CCNB3: variants seen among roughly 807,000 people sequenced by gnomAD.
CCNB3 encodes the protein G2/mitotic-specific cyclin-B3.
A neutral mutation model predicts 68.0 loss-of-function variants in CCNB3; 12 were observed. That is an observed-to-expected ratio of 0.18 (90% confidence interval 0.11 to 0.29). CCNB3 has a LOEUF of 0.29. Among genes scored for constraint, CCNB3 ranks in the 10% least tolerant of loss-of-function variants. The pLI is 1.00. For synonymous variants in CCNB3, 354 were observed against 388.9 expected, an observed-to-expected ratio of 0.91 and a Z score of 1.06; for missense variants, 904 against 993.1, an observed-to-expected ratio of 0.91 and a Z score of 1.21.
intron 5 of CCNB3, among the ~76,000 whole-genome samples, chrX:50,297,304 G>A (rs1396608845): frequency 9.0e-6 from 1 of 111,625 alleles, no homozygotes; most frequent in Non-Finnish European, 1.9e-5. Flanking sequence ...ATTAATTTTT[G>A]TATAAGGTGA....
intron 1 of CCNB3, among the ~76,000 whole-genome samples, chrX:50,283,997 T>C (rs1936190663): frequency 9.0e-6 from 1 of 111,051 alleles, no homozygotes; most frequent in Admixed American, 9.7e-5. Context: ...GTTGTATTTT[T>C]CCAGGTAGTT....
chrX:50,351,835 T>C lies in CCNB3; in HGVS notation c.*132T>C, dbSNP rs1602257955. The C allele has an allele frequency of 6.9e-6, 3 of 434,344 alleles. No homozygotes were observed. Among genetic ancestry groups the C allele is most frequent in the East Asian group, 4.0e-5 (1 of 24,744 alleles). The allele number at this position is 434,344 out of a possible 1,213,427, so 35.8% of individuals were successfully genotyped here. ...AAACTGATAATGTTATAAATATTTA[T>C]GTTGCTTGTTTTTATGAAAGAAAAA... On this transcript the variant is annotated 3_prime_UTR_variant, in exon 13 of 13. Coordinates refer to ENST00000376042, the MANE Select transcript of CCNB3 (RefSeq NM_033031.3).
At chrX:50,284,999 G>C (rs935884129) in intron 2 of CCNB3, 128 bp from the exon 3 acceptor site, 7 of 438,059 alleles carry the variant, frequency 1.6e-5, no homozygotes, top group Non-Finnish European at 2.8e-5. Flanking sequence ...TTTGAATCCA[G>C]ATCTTCCCAA....
At chrX:50,304,223 G>A (rs1052393188) in intron 5 of CCNB3, among the ~76,000 whole-genome samples, 9 of 111,423 alleles carry the variant, frequency 8.1e-5, no homozygotes, top group Non-Finnish European at 1.3e-4. Flanking sequence ...ATATTGTCTT[G>A]ATTATTGCAG....
intron 9 of CCNB3, among the ~76,000 whole-genome samples, chrX:50,343,221 A>ATG: frequency 9.1e-6 from 1 of 109,983 alleles, no homozygotes; most frequent in South Asian, 4.0e-4. Context: ...GCCTAGGCTA[A>ATG]TGTGTGTGTT....
At chrX:50,314,040 T>A in intron 8 of CCNB3, 92 bp downstream of exon 8, 1 of 609,508 alleles carries the variant, frequency 1.6e-6, no homozygotes, top group South Asian at 3.0e-5. Flanking sequence ...GTACTGGGTC[T>A]ATAGAGTTGA....
At chrX:50,315,202 C>T (rs1921657691) in intron 8 of CCNB3, among the ~76,000 whole-genome samples, 1 of 111,030 alleles carries the variant, frequency 9.0e-6, no homozygotes, top group Admixed American at 9.6e-5. Flanking sequence ...CTTATCCAAT[C>T]AGAATTGTGG....
intron 5 of CCNB3, among the ~76,000 whole-genome samples, chrX:50,300,159 A>G (rs1936593475): frequency 9.0e-6 from 1 of 111,417 alleles, no homozygotes; most frequent in Non-Finnish European, 1.9e-5. Context: ...GTTATGTGTG[A>G]ATTTGATCCT....
At chrX:50,282,515 T>C (rs1936157413) in intron 1 of CCNB3, among the ~76,000 whole-genome samples, 1 of 111,489 alleles carries the variant, frequency 9.0e-6, no homozygotes, top group Non-Finnish European at 1.9e-5. Context: ...GTAGGGGACA[T>C]GGAAAGTCTG....
rs1294485604 is a variant in CCNB3 at position 50,314,001 on chromosome X, G to T, written c.3516+53G>T. On this transcript the variant is annotated intron_variant, in intron 8 of 12. Coordinates refer to ENST00000376042, the MANE Select transcript of CCNB3 (RefSeq NM_033031.3). The stretch of plus-strand genomic sequence containing the variant: ...AGCTGCTGTTCTCTTTCTCATTCAG[G>T]GCTGCCAGGCCAAAAACATGGTAAA... 3.3e-6 allele frequency: 3 copies of T among 918,826 alleles called. No individual in the cohort carries two copies. In the African/African-American group the frequency reaches 5.8e-5, roughly 18 times the overall value. The allele number at this position is 918,826 out of a possible 1,213,427, so 75.7% of individuals were successfully genotyped here. A position where few individuals can be genotyped will look rare whatever the true frequency, so the allele number is the denominator to read the frequency against.
intron 5 of CCNB3, among the ~76,000 whole-genome samples, chrX:50,304,343 G>T (rs1446003876): frequency 1.8e-5 from 2 of 111,184 alleles, no homozygotes; most frequent in Admixed American, 1.9e-4. Flanking sequence ...ATAAATTTTA[G>T]AATCAGCTTG....
chrX:50,329,672 T>A (rs1180050171), intron 8 of CCNB3, among the ~76,000 whole-genome samples: 1 of 112,652 alleles, frequency 8.9e-6, no homozygotes, highest in African/African-American at 3.2e-5. Context: ...TTGTCCTGGC[T>A]ATTAGCACTT....
At chrX:50,224,069 T>A (rs1380518008) in intron 1 of CCNB3, among the ~76,000 whole-genome samples, 4 of 111,952 alleles carry the variant, frequency 3.6e-5, no homozygotes, top group African/African-American at 9.7e-5. Context: ...AGGTTTTTTT[T>A]AACCTTGCTT....
At chrX:50,295,313 A>T (rs1936433583) in intron 5 of CCNB3, among the ~76,000 whole-genome samples, 1 of 111,403 alleles carries the variant, frequency 9.0e-6, no homozygotes, top group Admixed American at 9.6e-5. Flanking sequence ...GAGACAACTT[A>T]ACTTTCCAGG....
chrX:50,325,561 A>G (rs907728951), intron 8 of CCNB3, among the ~76,000 whole-genome samples: 1 of 112,250 alleles, frequency 8.9e-6, no homozygotes, highest in African/African-American at 3.2e-5. Context: ...CTGAACCCTG[A>G]TTGGCCAAGG....
intron 5 of CCNB3, among the ~76,000 whole-genome samples, chrX:50,304,928 A>G (rs1936729960): frequency 1.8e-5 from 2 of 112,359 alleles, no homozygotes; most frequent in Admixed American, 1.9e-4. Context: ...TGGCCATCAG[A>G]GAAATGCAAA....
At chrX:50,314,082 A>C in intron 8 of CCNB3, 134 bp downstream of exon 8, 54 of 441,394 alleles carry the variant, frequency 1.2e-4, no homozygotes, top group East Asian at 1.9e-4. Context: ...CAAGGAGCTC[A>C]TGATTTAGGA....
chrX:50,351,329 C>G lies in CCNB3; in HGVS notation c.4049C>G (p.Ser1350Cys), dbSNP rs1557221124. Residue 1350 changes from serine (S) to cysteine (C), a missense_variant, in exon 12 of 13, where the codon TCT (serine) becomes TGT (cysteine). Transcript: ENST00000376042. ...CTGAACAAACTGCTGACTTTCAGTTCTTACGATAGTCTCAAGGCTGTGTAT... is the reference window on the plus strand; with the variant it reads ...CTGAACAAACTGCTGACTTTCAGTTGTTACGATAGTCTCAAGGCTGTGTAT... ...RQLNKLLTFS[S>C]YDSLKAVYYK... The G allele has an allele frequency of 8.3e-7, 1 of 1,210,498 alleles. No homozygotes were observed. Among genetic ancestry groups the G allele is most frequent in the East Asian group, 3.0e-5 (1 of 33,833 alleles).
chrX:50,334,837 C>T (rs1922770095), intron 8 of CCNB3, among the ~76,000 whole-genome samples: 2 of 112,394 alleles, frequency 1.8e-5, no homozygotes, highest in African/African-American at 3.2e-5. Context: ...AATCCATAAT[C>T]TGCAGAACCC....
Sources: gnomAD v4.1 joint callset for allele counts (sites outside exome capture counted in the v4.1 genomes callset) on GRCh38, gnomAD v4.1.1 for gene constraint, MANE v1.5 for transcripts, NCBI Gene and HGNC (gene_info 2026-07-23, HGNC 2026-07-21) for gene names.